Variants in ACOT9 observed in about 807,000 individuals in gnomAD.
The protein encoded by ACOT9 is acyl-CoA thioesterase 9, also known as acyl-coenzyme A thioesterase 9, mitochondrial.
ACOT9 carries 34 observed loss-of-function variants against 39.7 expected under a neutral mutation model. The ratio of observed to expected loss-of-function variants is 0.86; its 90% CI spans 0.65 to 1.14. The LOEUF (loss-of-function observed/expected upper bound fraction) is 1.14, where lower values mean the gene tolerates loss of function less well. ACOT9 is among the 50% of genes most tolerant of loss of function. The pLI is 0.00. For missense variants in ACOT9, 313 were observed against 344.1 expected (o/e 0.91, Z 0.71); for synonymous variants, 110 against 120.5 (o/e 0.91, Z 0.57).
chrX:23,723,317 T>C (rs979308845), intron 6 of ACOT9, among the ~76,000 whole-genome samples: 1 of 111,658 alleles, frequency 9.0e-6, no homozygotes, highest in African/African-American at 3.3e-5. Context: ...TCATTTAAAG[T>C]CGTATAATTA....
intron 9 of ACOT9, among the ~76,000 whole-genome samples, chrX:23,711,339 G>C (rs1053924547): frequency 2.0e-5 from 2 of 101,698 alleles, no homozygotes; most frequent in African/African-American, 7.1e-5. Context: ...CACACACACA[G>C]AAAAAAAAAA....
intron 9 of ACOT9, among the ~76,000 whole-genome samples, chrX:23,712,472 A>C (rs966533421): frequency 9.1e-6 from 1 of 110,281 alleles, no homozygotes; most frequent in Non-Finnish European, 1.9e-5. Flanking sequence ...ATGCCTAACA[A>C]AAAATTACAT....
chrX:23,722,916 T>C (rs182044398), intron 6 of ACOT9, among the ~76,000 whole-genome samples, 163 bp from the exon 7 acceptor site: 4 of 111,595 alleles, frequency 3.6e-5, no homozygotes, highest in Admixed American at 9.6e-5. Flanking sequence ...CTTTTATAAA[T>C]TGAAGGATTT....
At chrX:23,717,916 G>A (rs764881882) in intron 8 of ACOT9, among the ~76,000 whole-genome samples, 16 of 110,744 alleles carry the variant, frequency 1.4e-4, no homozygotes, top group Non-Finnish European at 2.1e-4. Flanking sequence ...GGTGAAACCC[G>A]GTCTGTATAA....
chrX:23,726,041 A>T (rs1004881324), intron 6 of ACOT9, among the ~76,000 whole-genome samples: 5 of 109,129 alleles, frequency 4.6e-5, no homozygotes, highest in Admixed American at 1.0e-4. Flanking sequence ...TCTACTAAAG[A>T]TACAAAAAAT....
intron 1 of ACOT9, among the ~76,000 whole-genome samples, chrX:23,736,340 AAAC>A (rs1295034263): frequency 8.9e-6 from 1 of 112,538 alleles, no homozygotes; most frequent in Non-Finnish European, 1.9e-5. Flanking sequence ...TCGATTTAGT[AAAC>A]AACTGAGCAA....
intron 8 of ACOT9, among the ~76,000 whole-genome samples, chrX:23,714,325 A>C (rs747513523): frequency 2.7e-5 from 3 of 111,342 alleles, no homozygotes; most frequent in Non-Finnish European, 5.6e-5. Flanking sequence ...AGCTGGGCAC[A>C]GGAGCTCCCA....
chrX:23,724,815 T>C (rs1238840464), intron 6 of ACOT9, among the ~76,000 whole-genome samples: 1 of 111,372 alleles, frequency 9.0e-6, no homozygotes, highest in African/African-American at 3.3e-5. Context: ...AGTGTGCCTA[T>C]AGTCCCAGCT....
chrX:23,727,570 C>T (rs752285098), intron 6 of ACOT9, among the ~76,000 whole-genome samples: 66 of 110,078 alleles, frequency 6.0e-4, no homozygotes, highest in Non-Finnish European at 1.0e-3. Flanking sequence ...AGCGATCCTC[C>T]TGCCTCGATC....
At position 23,704,997 on chromosome X, in the gene ACOT9, G is replaced by A. The variant is rs981542197; in HGVS notation, c.1103C>T (p.Ser368Leu). ...CATCTCTCATCACACACCTACCTGT[G>A]AAGAAAGAAAGAGCAATGAGCCAAC... ...VEVGSLLFLS[S>L]QVCFTQNNYI... is the part of the protein sequence containing the mutation. Residue 368 changes from serine (S) to leucine (L), a missense_variant, in exon 14 of 16, where the codon TCA becomes TTA. Coordinates refer to ENST00000379303, the MANE Select transcript of ACOT9 (RefSeq NM_001037171.2). 5.8e-6 allele frequency: 7 copies of A among 1,208,118 alleles called. No individual in the cohort carries two copies. The highest frequency in any genetic ancestry group is 7.8e-6 in the Non-Finnish European group (7 of 894,128).
At chrX:23,713,354 G>C (rs780194678) in intron 8 of ACOT9, 146 bp from the exon 9 acceptor site, 5 of 442,959 alleles carry the variant, frequency 1.1e-5, no homozygotes, top group Middle Eastern at 6.4e-4. Context: ...AAGGTGGGAG[G>C]ATCACTTGAG....
intron 1 of ACOT9, among the ~76,000 whole-genome samples, chrX:23,740,405 C>T (rs1380606453): frequency 3.6e-5 from 4 of 110,985 alleles, no homozygotes; most frequent in Non-Finnish European, 3.8e-5. Flanking sequence ...CCGCGCCTGG[C>T]ATGTAATGGT....
chrX:23,725,961 G>A (rs1027457918), intron 6 of ACOT9, among the ~76,000 whole-genome samples: 2 of 111,673 alleles, frequency 1.8e-5, no homozygotes, highest in African/African-American at 6.5e-5. Context: ...CACTTTGGGA[G>A]GCCGAGGCGA....
rs1476099037 is a variant in ACOT9 at position 23,701,773 on chromosome X, G to C, written c.*2121C>G. Among the ~76,000 whole-genome samples, 1 of 110,372 alleles carries C rather than the reference G, an allele frequency of 9.1e-6. No individual in the cohort carries two copies. On this transcript the variant is annotated 3_prime_UTR_variant, in exon 16 of 16. Coordinates refer to ENST00000379303, the MANE Select transcript of ACOT9 (RefSeq NM_001037171.2). ...ACTGTGCCTGGCCTAAAAATTTTTT[G>C]TTAAAAATGCTTTCCACCGGCCGGG...
intron 1 of ACOT9, among the ~76,000 whole-genome samples, chrX:23,738,055 G>C (rs1334757108): frequency 9.5e-6 from 1 of 105,301 alleles, no homozygotes; most frequent in Non-Finnish European, 1.9e-5. Flanking sequence ...TTTTAGTAGA[G>C]ACGGGGTTTC....
intron 8 of ACOT9, among the ~76,000 whole-genome samples, chrX:23,716,776 C>A (rs377496471): frequency 1.3e-4 from 14 of 110,329 alleles, no homozygotes; most frequent in African/African-American, 4.6e-4. Flanking sequence ...AACCTCCACC[C>A]CCCTGCCTCA....
chrX:23,721,999 T>C lies in ACOT9; in HGVS notation c.485-15A>G, dbSNP rs1929334811. On this transcript the variant is annotated splice_polypyrimidine_tract_variant and intron_variant, in intron 7 of 15. Coordinates refer to ENST00000379303, the MANE Select transcript of ACOT9 (RefSeq NM_001037171.2). ...CTTACACATATCTGCAAAACAGAAG[T>C]CAATCAGGGTCCAAGTCATACCAAA... is the stretch of plus-strand genomic sequence containing the variant. 8.6e-7 allele frequency: 1 copy of C among 1,159,713 alleles called. No individual in the cohort carries two copies. Among genetic ancestry groups the C allele is most frequent in the African/African-American group, 1.8e-5 (1 of 56,587 alleles).
chrX:23,716,768 C>A lies in ACOT9; in HGVS notation c.589-3560G>T, dbSNP rs1479975740. Among the ~76,000 whole-genome samples the A allele has an allele frequency of 2.7e-5, 3 of 110,306 alleles. No individual in the cohort carries two copies. In the Admixed American group the frequency reaches 2.9e-4, roughly 11 times the overall value. ...GTGGCGCAATCTCGGCTCACTGTAA[C>A]CTCCACCCCCCTGCCTCAAGCGATC... On this transcript the variant is annotated intron_variant, in intron 8 of 15. Transcript: ENST00000379303.
chrX:23,720,114 T>G (rs746599192), intron 8 of ACOT9, among the ~76,000 whole-genome samples: 4 of 113,065 alleles, frequency 3.5e-5, no homozygotes, highest in East Asian at 5.6e-4. Context: ...ATTACAGGCG[T>G]GAGCCACCGC....
Sources: gnomAD v4.1 joint callset for allele counts (sites outside exome capture counted in the v4.1 genomes callset) on GRCh38, gnomAD v4.1.1 for gene constraint, MANE v1.5 for transcripts, NCBI Gene and HGNC (gene_info 2026-07-23, HGNC 2026-07-21) for gene names.